The following PRDM15 variants were observed in gnomAD, a reference collection of about 807,000 sequenced individuals.
PRDM15 encodes the protein PR/SET domain 15.
Under a neutral mutation model 128.6 loss-of-function variants are expected in PRDM15, and 64 were observed. The ratio of observed to expected loss-of-function variants is 0.50; its 90% CI spans 0.41 to 0.61. The LOEUF is 0.61. PRDM15 is among the 20% of genes least tolerant of loss of function. PRDM15 has a pLI of 0.00. For missense variants in PRDM15, 1,242 were observed against 1,569.1 expected (o/e 0.79, Z 3.52); for synonymous variants, 615 against 621.8 (o/e 0.99, Z 0.16).
At chr21:41,836,971 T>C (rs1276986250) in intron 8 of PRDM15, 1 of 196,346 alleles carries the variant, frequency 5.1e-6, no homozygotes, top group Non-Finnish European at 1.0e-5. Flanking sequence ...TGTCACTCTG[T>C]CTTAACTCTT....
At position 41,879,077 on chromosome 21, in the gene PRDM15, G is replaced by A; in HGVS notation, c.-10+193C>T. The stretch of plus-strand genomic sequence containing the variant: ...GGTTTTGACTCCGATCGCCAACGGT[G>A]CCCGCAGCCGGCGAATGTAACAAAG... On this transcript the variant is annotated intron_variant, in intron 1 of 23. Coordinates refer to ENST00000398548, the MANE Select transcript of PRDM15 (RefSeq NM_001040424.3). This position sits in a 1 kb window ranked among gnomAD's most constrained non-coding sequence, Gnocchi z 5.1. The A allele has an allele frequency of 3.5e-6, 4 of 1,131,948 alleles. No individual in the cohort carries two copies. The South Asian group carries it at 7.7e-5, about 22-fold the overall frequency. The allele number at this position is 1,131,948 out of a possible 1,614,324, so 70.1% of individuals were successfully genotyped here.
chr21:41,815,679 T>TGGCGC (rs1568907820), intron 19 of PRDM15, 26 bp downstream of exon 19: 1 of 1,610,552 alleles, frequency 6.2e-7, no homozygotes, highest in Non-Finnish European at 8.5e-7. Flanking sequence ...GCGCCGTGGC[T>TGGCGC]GGCGCGGCCC....
At chr21:41,815,673 C>T (rs759257636) in intron 19 of PRDM15, 32 bp downstream of exon 19, 39 of 1,609,098 alleles carry the variant, frequency 2.4e-5, no homozygotes, top group Admixed American at 1.3e-4. Context: ...CAGTGAGCGC[C>T]GTGGCTGGCG....
Position 41,821,884 on chromosome 21 carries a change from C to A in PRDM15, c.1896+19G>T, listed in dbSNP as rs780767382. 1.2e-6 allele frequency: 2 copies of A among 1,612,942 alleles called. No homozygotes were observed. The highest frequency in any genetic ancestry group is 1.1e-5 in the South Asian group (1 of 91,066). On this transcript the variant is annotated intron_variant, in intron 15 of 23. Transcript: ENST00000398548. This position sits in a 1 kb window ranked among gnomAD's most constrained non-coding sequence, Gnocchi z 5.4. ...TCCTCTCCAGACCACCCAGGCACCGCGGGGCAAACCCGCCATACCTGGCAC... is the reference window on the plus strand; with the variant it reads ...TCCTCTCCAGACCACCCAGGCACCGAGGGGCAAACCCGCCATACCTGGCAC...
At chr21:41,866,859 C>G (rs73906123) in intron 1 of PRDM15, among the ~76,000 whole-genome samples, 48 of 152,284 alleles carry the variant, frequency 3.2e-4, no homozygotes, top group Non-Finnish European at 4.6e-4. Flanking sequence ...AGCCCAGATC[C>G]GGCTGGACCA....
intron 11 of PRDM15, among the ~76,000 whole-genome samples, chr21:41,829,638 A>T (rs1372714067): frequency 6.6e-6 from 1 of 151,452 alleles, no homozygotes; most frequent in African/African-American, 2.4e-5. Context: ...CACTCAATAC[A>T]CACCACAAAT....
rs1488740031 is a variant in PRDM15, at chr21:41,810,410, T to G, written c.2477-81A>C. On this transcript the variant is annotated intron_variant, in intron 20 of 23. Coordinates refer to ENST00000398548, the MANE Select transcript of PRDM15 (RefSeq NM_001040424.3). This position sits in a 1 kb window ranked among gnomAD's most constrained non-coding sequence, Gnocchi z 6.4. Reference sequence around the variant, plus strand: ...ACTAGTGCAGCCATCCCAATGACCCTGGCCTGCTGGACGAGGCAAGAAGCC... The same window carrying G: ...ACTAGTGCAGCCATCCCAATGACCCGGGCCTGCTGGACGAGGCAAGAAGCC... 1 of 1,477,624 alleles carries G rather than the reference T, an allele frequency of 6.8e-7. No homozygotes were observed. The highest frequency in any genetic ancestry group is 9.1e-7 in the Non-Finnish European group (1 of 1,094,098). 91.5% of individuals were successfully genotyped at this position (1,477,624 alleles called of 1,614,324 possible).
At chr21:41,831,551 T>C (rs937055749) in intron 11 of PRDM15, among the ~76,000 whole-genome samples, 1 of 152,228 alleles carries the variant, frequency 6.6e-6, no homozygotes, top group Admixed American at 6.5e-5. Context: ...GATCCCAATG[T>C]GCAGCCCAGG....
rs748179837 is a variant in PRDM15 at position 41,821,896 on chromosome 21, G to A, written c.1896+7C>T. 6.2e-6 allele frequency: 10 copies of A among 1,613,690 alleles called. No homozygotes were observed. The East Asian group carries it at 6.7e-5, about 11-fold the overall frequency. On this transcript the variant is annotated splice_region_variant and intron_variant, in intron 15 of 23. Transcript: ENST00000398548. This position sits in a 1 kb window ranked among gnomAD's most constrained non-coding sequence, Gnocchi z 5.4. ...CACCCAGGCACCGCGGGGCAAACCC[G>A]CCATACCTGGCACCGCTTGCAGCTG... is the stretch of plus-strand genomic sequence containing the variant.
intron 14 of PRDM15, among the ~76,000 whole-genome samples, chr21:41,822,451 T>C (rs933201873): frequency 1.3e-5 from 2 of 152,126 alleles, no homozygotes; most frequent in East Asian, 3.9e-4. Flanking sequence ...CTCTCTTTCC[T>C]CAAAGGTGGG....
rs2062248245 is a variant in PRDM15, at chr21:41,821,171, C to A, written c.1956G>T (p.Lys652Asn). The stretch of plus-strand genomic sequence containing the variant: ...GGTTGCAGATGCTGCAGCCATAGCC[C>A]TTCTCCTTGTGCACCTCCATGATGT... ...LKHIMEVHKE[K>N]GYGCSICNRR... Residue 652 changes from lysine (K) to asparagine (N), a missense_variant, in exon 16 of 24, where the codon AAG (lysine) becomes AAT (asparagine). By Grantham distance (94) the Lys-to-Asn change is moderately conservative. Coordinates refer to ENST00000398548, the MANE Select transcript of PRDM15 (RefSeq NM_001040424.3). This position sits in a 1 kb window ranked among gnomAD's most constrained non-coding sequence, Gnocchi z 5.4. The A allele has an allele frequency of 6.2e-7, 1 of 1,614,124 alleles. No homozygotes were observed. The highest frequency in any genetic ancestry group is 1.1e-5 in the South Asian group (1 of 91,088).
rs2061812736 is a variant in PRDM15, at chr21:41,810,074, G to T, written c.2652+80C>A. ...CCAGTACTGGGGGTCTGCAGAGGGA[G>T]GTGGGCCATGTGCCAGCATGGGGGT... is the stretch of plus-strand genomic sequence containing the variant. On this transcript the variant is annotated intron_variant, in intron 21 of 23. Coordinates refer to ENST00000398548, the MANE Select transcript of PRDM15 (RefSeq NM_001040424.3). The surrounding 1 kb of genome is among the most constrained non-coding windows in gnomAD (Gnocchi z 6.4). The T allele has an allele frequency of 2.1e-6, 3 of 1,416,992 alleles. No homozygotes were observed. The highest frequency in any genetic ancestry group is 9.6e-7 in the Non-Finnish European group (1 of 1,037,472). 87.8% of individuals were successfully genotyped at this position (1,416,992 alleles called of 1,614,324 possible). A position where few individuals can be genotyped will look rare whatever the true frequency, so the allele number is the denominator to read the frequency against.
At position 41,801,336 on chromosome 21, in the gene PRDM15, G is replaced by A. The variant is rs778382718; in HGVS notation, c.3330C>T (p.Asp1110=). ...CCTGCGGCTGCGAGGGTGGCAAGAC[G>A]TCAGTCTGGGGCACTGCCCGCCACG... is the stretch of plus-strand genomic sequence containing the variant. ...PLTWRAVPQT[D]VLPPSQPQAP... The change falls in exon 24 of 24, where the codon GAC becomes GAT. Residue 1110 remains aspartate (D), a synonymous_variant. Coordinates refer to ENST00000398548, the MANE Select transcript of PRDM15 (RefSeq NM_001040424.3). 29 of 1,592,172 alleles carry A rather than the reference G, an allele frequency of 1.8e-5. 1 individual carries two copies. The highest frequency in any genetic ancestry group is 1.7e-4 in the South Asian group (15 of 88,208).
chr21:41,878,870 GCCCACGGGCGAGCGCGGCCCGGCAGC>G lies in PRDM15; in HGVS notation c.-10+374_-10+399del, dbSNP rs1255239302. ...CGGGGCGGCGAAGACCCTGCGCCGC[GCCCACGGGCGAGCGCGGCCCGGCAGC>G]CCCGCGGCCCCGCGCTGGGCCTGGC... On this transcript the variant is annotated intron_variant, in intron 1 of 23. Coordinates refer to ENST00000398548, the MANE Select transcript of PRDM15 (RefSeq NM_001040424.3). 1.6e-5 allele frequency: 15 copies of G among 956,558 alleles called. No homozygotes were observed. The East Asian group carries it at 1.7e-3, about 109-fold the overall frequency. The allele number at this position is 956,558 out of a possible 1,614,324, so 59.3% of individuals were successfully genotyped here. A position where few individuals can be genotyped will look rare whatever the true frequency, so the allele number is the denominator to read the frequency against.
rs544850859 is a variant in PRDM15, at chr21:41,820,594, C to T, written c.2061-420G>A. ...TCAGAGGAGGCGGCCCTGCCGCCACCGTGACCCCTGAGCTCCCGCCTCCAG... is the reference window on the plus strand; with the variant it reads ...TCAGAGGAGGCGGCCCTGCCGCCACTGTGACCCCTGAGCTCCCGCCTCCAG... On this transcript the variant is annotated intron_variant, in intron 16 of 23. Transcript: ENST00000398548. Among the ~76,000 whole-genome samples, 280 of 152,320 alleles carry T rather than the reference C, an allele frequency of 1.8e-3. 2 individuals are homozygous for T. The highest frequency in any genetic ancestry group is 6.6e-3 in the African/African-American group (274 of 41,578).
chr21:41,859,027 T>C lies in PRDM15; in HGVS notation c.131+565A>G. On this transcript the variant is annotated intron_variant, in intron 3 of 23. Coordinates refer to ENST00000398548, the MANE Select transcript of PRDM15 (RefSeq NM_001040424.3). This position sits in a 1 kb window ranked among gnomAD's most constrained non-coding sequence, Gnocchi z 5.3. ...CCGGAGAGGAGTGCCTTGTCCAAGC[T>C]CACCTGCCCTGGGCCACCAGGTGGC... 6.5e-7 allele frequency: 1 copy of C among 1,548,774 alleles called. No individual in the cohort carries two copies. The highest frequency in any genetic ancestry group is 8.7e-7 in the Non-Finnish European group (1 of 1,145,630).
chr21:41,806,054 C>CCATCACCACCAT (rs1568880142), intron 21 of PRDM15, among the ~76,000 whole-genome samples: 1 of 69,660 alleles, frequency 1.4e-5, no homozygotes, highest in African/African-American at 6.2e-5. Context: ...ATCACCACCA[C>CCATCACCACCAT]CACCATCACC....
intron 6 of PRDM15, among the ~76,000 whole-genome samples, chr21:41,841,095 G>A (rs1055591110): frequency 6.6e-6 from 1 of 152,012 alleles, no homozygotes; most frequent in Admixed American, 6.6e-5. Context: ...TAGGGAAGGA[G>A]GGCTAAACAA....
intron 4 of PRDM15, among the ~76,000 whole-genome samples, chr21:41,855,671 C>A (rs921161791): frequency 3.5e-4 from 54 of 152,192 alleles, no homozygotes; most frequent in Admixed American, 6.5e-4. Context: ...CTGAGAACAA[C>A]CCAGTACCAG....
Sources: gnomAD v4.1 joint callset for allele counts (sites outside exome capture counted in the v4.1 genomes callset) on GRCh38, gnomAD v4.1.1 for gene constraint, Gnocchi (gnomAD v3.1) non-coding constraint, MANE v1.5 for transcripts, NCBI Gene and HGNC (gene_info 2026-07-23, HGNC 2026-07-21) for gene names.